Variants in OR4Q3 observed in about 807,000 individuals in gnomAD.
OR4Q3 encodes the protein olfactory receptor family 4 subfamily Q member 3.
OR4Q3 carries 17 observed loss-of-function variants against 18.8 expected under a neutral mutation model. The observed-to-expected ratio is 0.91, with a 90% CI of 0.62 to 1.36. The LOEUF (loss-of-function observed/expected upper bound fraction) is 1.36. OR4Q3 is among the 40% of genes most tolerant of loss of function. The pLI is 0.00. For synonymous variants in OR4Q3, 158 were observed against 145.8 expected, an observed-to-expected ratio of 1.08 and a Z score of -0.60; for missense variants, 378 against 373.4, an observed-to-expected ratio of 1.01 and a Z score of -0.10.
At chr14:19,751,909 C>T, downstream of OR4Q3, among the ~76,000 whole-genome samples, 2 of 152,006 alleles carry the variant, frequency 1.3e-5, no homozygotes, top group South Asian at 4.1e-4. Context: ...TTTGTTATTT[C>T]TTTTCTTCTG....
At chr14:19,744,034 CT>C (rs1279835083) in intron 1 of OR4Q3, among the ~76,000 whole-genome samples, 2 of 151,864 alleles carry the variant, frequency 1.3e-5, no homozygotes, top group Non-Finnish European at 2.9e-5. Flanking sequence ...TTTTCCATTT[CT>C]TTAATTATTA....
intron 1 of OR4Q3, among the ~76,000 whole-genome samples, chr14:19,745,617 T>C: frequency 1.3e-5 from 2 of 152,176 alleles, no homozygotes; most frequent in Admixed American, 1.3e-4. Flanking sequence ...CCAAGATTAT[T>C]TTAAAAATTA....
chr14:19,748,198 C>G, exon 2 of OR4Q3: 1 of 1,613,980 alleles, frequency 6.2e-7, no homozygotes, highest in Non-Finnish European at 8.5e-7. Flanking sequence ...CATGCGTATT[C>G]ATCTATTTGA....
At chr14:19,744,476 G>A (rs10145068) in intron 1 of OR4Q3, among the ~76,000 whole-genome samples, 15,213 of 150,378 alleles carry the variant, frequency 0.1, 678 homozygotes, top group African/African-American at 0.22. Flanking sequence ...AAACATCTCC[G>A]GTTCCCTGTT....
intron 1 of OR4Q3, among the ~76,000 whole-genome samples, chr14:19,745,172 T>C: frequency 2.6e-5 from 4 of 152,200 alleles, no homozygotes; most frequent in African/African-American, 9.6e-5. Flanking sequence ...ATCCAAATCT[T>C]ATCAGAGTAA....
intron 1 of OR4Q3, among the ~76,000 whole-genome samples, chr14:19,744,047 A>G (rs917916489): frequency 3.3e-5 from 5 of 151,144 alleles, no homozygotes; most frequent in African/African-American, 1.2e-4. Flanking sequence ...TAATTATTAA[A>G]GTTTCTTTTT....
chr14:19,745,175 CAGAGT>C, intron 1 of OR4Q3, among the ~76,000 whole-genome samples: 1 of 152,110 alleles, frequency 6.6e-6, no homozygotes, highest in African/African-American at 2.4e-5. Context: ...CAAATCTTAT[CAGAGT>C]AATCACCTAG....
chr14:19,743,720 CCT>C (rs1218799511), intron 1 of OR4Q3, 49 bp downstream of exon 1: 4 of 152,308 alleles, frequency 2.6e-5, no homozygotes, highest in Non-Finnish European at 5.9e-5. Context: ...CCTTCCTGCT[CCT>C]CTGTTTGATG....
At chr14:19,751,825 A>C, downstream of OR4Q3, among the ~76,000 whole-genome samples, 1 of 152,046 alleles carries the variant, frequency 6.6e-6, no homozygotes, top group Non-Finnish European at 1.5e-5. Context: ...ATTTTTTCAA[A>C]AGACTAACTC....
At chr14:19,744,427 G>A (rs1277205131) in intron 1 of OR4Q3, among the ~76,000 whole-genome samples, 3 of 152,110 alleles carry the variant, frequency 2.0e-5, no homozygotes, top group African/African-American at 7.2e-5. Flanking sequence ...ACAAGTACCA[G>A]GAGAAAAATT....
chr14:19,744,883 A>T, intron 1 of OR4Q3, among the ~76,000 whole-genome samples: 2 of 152,190 alleles, frequency 1.3e-5, no homozygotes, highest in Non-Finnish European at 2.9e-5. Flanking sequence ...TTCACGGAAC[A>T]GTCACAGGCT....
exon 2 of OR4Q3, chr14:19,747,882 G>A: frequency 6.2e-7 from 1 of 1,614,000 alleles, no homozygotes; most frequent in East Asian, 2.2e-5. Flanking sequence ...TGCTGGTGTG[G>A]GGGTTTTATC....
chr14:19,749,729 T>TTTTC, downstream of OR4Q3, among the ~76,000 whole-genome samples: 1 of 150,844 alleles, frequency 6.6e-6, no homozygotes, highest in South Asian at 2.1e-4. Context: ...CTTTCTTTCT[T>TTTTC]TTTCTTTCTT....
At chr14:19,744,028 C>T (rs1220691860) in intron 1 of OR4Q3, among the ~76,000 whole-genome samples, 3 of 152,012 alleles carry the variant, frequency 2.0e-5, no homozygotes, top group African/African-American at 7.2e-5. Context: ...ATTCTGTTTT[C>T]CATTTCTTTA....
chr14:19,745,984 C>A, intron 1 of OR4Q3, among the ~76,000 whole-genome samples: 1 of 152,100 alleles, frequency 6.6e-6, no homozygotes, highest in Non-Finnish European at 1.5e-5. Flanking sequence ...TGGCTTGAGT[C>A]CCAAATCTCT....
chr14:19,747,154 C>G, intron 1 of OR4Q3, among the ~76,000 whole-genome samples: 3 of 152,190 alleles, frequency 2.0e-5, no homozygotes, highest in Admixed American at 6.5e-5. Context: ...GCACTTATCA[C>G]CTAATGTCCA....
chr14:19,746,923 C>G, intron 1 of OR4Q3, among the ~76,000 whole-genome samples: 1 of 152,106 alleles, frequency 6.6e-6, no homozygotes, highest in Non-Finnish European at 1.5e-5. Flanking sequence ...TTTTATGGTG[C>G]ACATAGGCAT....
chr14:19,749,624 A>AAAAAAAAAAAAAAAAAAC, downstream of OR4Q3, among the ~76,000 whole-genome samples: 1 of 149,066 alleles, frequency 6.7e-6, no homozygotes, highest in Non-Finnish European at 1.5e-5. Flanking sequence ...AAAAAAAAAA[A>AAAAAAAAAAAAAAAAAAC]AAAAAAAAAA....
At chr14:19,748,025 G>C in exon 2 of OR4Q3, 3 of 1,613,900 alleles carry the variant, frequency 1.9e-6, no homozygotes, top group African/African-American at 1.3e-5. Flanking sequence ...AGAGGTGCTG[G>C]TGATAGCCAA....
Sources: allele counts gnomAD v4.1 joint callset (sites outside exome capture counted in the v4.1 genomes callset), GRCh38; gene constraint gnomAD v4.1.1; transcripts MANE v1.5; gene names NCBI Gene and HGNC (gene_info 2026-07-23, HGNC 2026-07-21).